The following SNX8 variants were observed in gnomAD, a reference collection of about 807,000 sequenced individuals.
SNX8 encodes sorting nexin 8.
A neutral mutation model predicts 51.6 loss-of-function variants in SNX8; 25 were observed. The observed-to-expected ratio is 0.48, with a 90% confidence interval of 0.35 to 0.68. SNX8 has a LOEUF of 0.68. Among genes scored for constraint, SNX8 ranks in the 30% least tolerant of loss-of-function variants. SNX8 has a pLI of 0.00. For missense variants in SNX8, 695 were observed against 624.0 expected (o/e 1.11, Z -1.21); for synonymous variants, 324 against 277.0 (o/e 1.17, Z -1.68).
chr7:2,267,370 G>A (rs1299153714), intron 5 of SNX8, among the ~76,000 whole-genome samples: 13 of 121,478 alleles, frequency 1.1e-4, no homozygotes, highest in South Asian at 9.8e-4. Flanking sequence ...CCTCTCATGC[G>A]GAGCCGAAGC....
chr7:2,316,757 T>C (rs1796765124), upstream of SNX8, among the ~76,000 whole-genome samples: 1 of 151,820 alleles, frequency 6.6e-6, no homozygotes, highest in Non-Finnish European at 1.5e-5. Flanking sequence ...ACCCACCCAC[T>C]CACTCACTGC....
chr7:2,275,507 G>C (rs529154910), intron 2 of SNX8, among the ~76,000 whole-genome samples: 1 of 152,166 alleles, frequency 6.6e-6, no homozygotes, highest in African/African-American at 2.4e-5. Context: ...AAAGAGACCA[G>C]CCTGGCCAAC....
At chr7:2,305,847 G>A (rs549836897) in intron 1 of SNX8, among the ~76,000 whole-genome samples, 5 of 152,016 alleles carry the variant, frequency 3.3e-5, no homozygotes, top group South Asian at 4.2e-4. Flanking sequence ...TTGGGAGGCC[G>A]AAGCAGGAGA....
At chr7:2,311,428 G>A (rs910839136) in intron 1 of SNX8, among the ~76,000 whole-genome samples, 4 of 152,042 alleles carry the variant, frequency 2.6e-5, no homozygotes, top group Non-Finnish European at 5.9e-5. Flanking sequence ...TCGCTACGTT[G>A]TCCAGGCTGG....
intron 1 of SNX8, among the ~76,000 whole-genome samples, chr7:2,280,153 C>G (rs576440335): frequency 6.6e-6 from 1 of 152,310 alleles, no homozygotes; most frequent in African/African-American, 2.4e-5. Context: ...AAAACTCCAG[C>G]TGCCTTACAG....
chr7:2,344,788 G>A (rs543130317), intron 1 of SNX8, among the ~76,000 whole-genome samples: 113 of 150,230 alleles, frequency 7.5e-4, no homozygotes, highest in South Asian at 1.5e-3. Context: ...AGCTGGGCAC[G>A]GCGGCTCACG....
Position 2,254,961 on chromosome 7 carries a change from A to C in SNX8, c.*95T>G. 1 of 848,176 alleles carries C rather than the reference A, an allele frequency of 1.2e-6. No individual in the cohort carries two copies. Among genetic ancestry groups the C allele is most frequent in the African/African-American group, 1.7e-5 (1 of 59,934 alleles). 52.5% of individuals were successfully genotyped at this position (848,176 alleles called of 1,614,324 possible). On this transcript the variant is annotated 3_prime_UTR_variant, in exon 11 of 11. Coordinates refer to ENST00000222990, the MANE Select transcript of SNX8 (RefSeq NM_013321.4). The stretch of plus-strand genomic sequence containing the variant: ...AGCTGCAGCACGGGGCGTGGCGGGG[A>C]GGGGAGCTGCCGTCCAAAGGGAATT...
At chr7:2,262,240 C>A (rs1048949138) in intron 7 of SNX8, among the ~76,000 whole-genome samples, 1 of 152,132 alleles carries the variant, frequency 6.6e-6, no homozygotes, top group Non-Finnish European at 1.5e-5. Flanking sequence ...AGATCTTGCT[C>A]TGTTGCCCAG....
chr7:2,269,191 A>C (rs1463950359), intron 5 of SNX8, among the ~76,000 whole-genome samples: 2 of 150,912 alleles, frequency 1.3e-5, no homozygotes, highest in African/African-American at 2.4e-5. Context: ...ACTAAGAAAA[A>C]TTCCTCTGCC....
At chr7:2,285,174 T>G (rs906574244) in intron 1 of SNX8, among the ~76,000 whole-genome samples, 1 of 141,852 alleles carries the variant, frequency 7.0e-6, no homozygotes, top group African/African-American at 2.6e-5. Context: ...ATGGCGCCAC[T>G]GCACTCCAGC....
intron 4 of SNX8, 129 bp downstream of exon 4, chr7:2,271,721 T>C (rs903526292): frequency 2.5e-5 from 26 of 1,041,136 alleles, no homozygotes; most frequent in African/African-American, 2.1e-4. Context: ...GTCTTGTCCA[T>C]GTCATTCCTG....
intron 1 of SNX8, among the ~76,000 whole-genome samples, chr7:2,288,580 G>A (rs557833089): frequency 5.3e-5 from 8 of 152,068 alleles, no homozygotes; most frequent in African/African-American, 9.6e-5. Context: ...TCTCGACTGC[G>A]CAGCCCAGTG....
chr7:2,264,282 C>G lies in SNX8; in HGVS notation c.782+16G>C. On this transcript the variant is annotated intron_variant, in intron 6 of 10. Transcript: ENST00000222990. ...CCCACCGCGCGTGCCCCTGCAGAAG[C>G]TGAAAGGTCACCTACCTTAGCTCCT... The G allele has an allele frequency of 6.2e-7, 1 of 1,601,886 alleles. No individual in the cohort carries two copies. The highest frequency in any genetic ancestry group is 2.2e-5 in the East Asian group (1 of 44,580).
chr7:2,259,259 T>C (rs1584666321), intron 7 of SNX8, among the ~76,000 whole-genome samples: 1 of 152,172 alleles, frequency 6.6e-6, no homozygotes, highest in East Asian at 1.9e-4. Flanking sequence ...CGATGGCAGG[T>C]ATCCTGGGGA....
chr7:2,278,634 G>A (rs1436178915), intron 1 of SNX8, among the ~76,000 whole-genome samples: 3 of 142,062 alleles, frequency 2.1e-5, no homozygotes, highest in East Asian at 2.3e-4. Context: ...CTCACACTAC[G>A]GAGTCGAAGC....
chr7:2,255,553 C>T (rs1388230496), intron 10 of SNX8, among the ~76,000 whole-genome samples: 2 of 152,200 alleles, frequency 1.3e-5, no homozygotes, highest in Non-Finnish European at 2.9e-5. Context: ...GCCTGGGCAA[C>T]ACACGGACAC....
At chr7:2,297,057 TA>T in intron 1 of SNX8, among the ~76,000 whole-genome samples, 1 of 152,128 alleles carries the variant, frequency 6.6e-6, no homozygotes, top group South Asian at 2.1e-4. Context: ...CCAGAATGGC[TA>T]TTATTAAAAA....
intron 1 of SNX8, among the ~76,000 whole-genome samples, chr7:2,303,685 T>A (rs1231433377): frequency 1.3e-5 from 2 of 152,222 alleles, no homozygotes; most frequent in Non-Finnish European, 2.9e-5. Context: ...AAACATGTGC[T>A]GTGTCCACTC....
intron 1 of SNX8, among the ~76,000 whole-genome samples, chr7:2,323,841 T>C (rs1349596683): frequency 6.6e-6 from 1 of 152,140 alleles, no homozygotes; most frequent in Admixed American, 6.6e-5. Flanking sequence ...ACTCTTGCTC[T>C]GTTGCCCAGG....
Sources: gnomAD v4.1 joint callset for allele counts (sites outside exome capture counted in the v4.1 genomes callset) on GRCh38, gnomAD v4.1.1 for gene constraint, MANE v1.5 for transcripts, NCBI Gene and HGNC (gene_info 2026-07-23, HGNC 2026-07-21) for gene names.